VPS13C: variants seen among roughly 807,000 people sequenced by gnomAD.
The protein encoded by VPS13C is vacuolar protein sorting 13 homolog C.
In VPS13C, 358 loss-of-function variants were observed where a neutral mutation model predicts 456.8. The ratio of observed to expected loss-of-function variants is 0.78; its 90% CI spans 0.72 to 0.86. VPS13C has a LOEUF of 0.86. Ranked by LOEUF, VPS13C falls within the 40% of genes least tolerant of loss-of-function variation. The pLI, the probability that VPS13C is intolerant of heterozygous loss-of-function variation, is 0.00. For missense variants in VPS13C, 4,818 were observed against 4,385.4 expected (o/e 1.10, Z -2.79); for synonymous variants, 1,578 against 1,486.7 (o/e 1.06, Z -1.41).
rs1442039204 is a variant in VPS13C, at chr15:61,978,626, C to G, written c.2290G>C (p.Glu764Gln). Reference sequence around the variant, plus strand: ...TCCTAAAAGCTGAATAACGGTTTACCTGCTCTTGCAAAAAGTAGTTGTACA... The same window carrying G: ...TCCTAAAAGCTGAATAACGGTTTACGTGCTCTTGCAAAAAGTAGTTGTACA... The part of the protein sequence containing the change: ...KNVQLLFARA[E>Q]ETWKKCRFQH... Residue 764 changes from glutamate (E) to glutamine (Q), a missense_variant and splice_region_variant, in exon 23 of 85, where the codon GAG (glutamate) becomes CAG (glutamine). Physicochemically the swap from Glu to Gln is conservative, Grantham distance 29. Transcript: ENST00000644861. 1 of 1,610,312 alleles carries G rather than the reference C, an allele frequency of 6.2e-7. No individual in the cohort carries two copies. The highest frequency in any genetic ancestry group is 1.7e-5 in the Admixed American group (1 of 59,534).
chr15:61,962,831 A>G lies in VPS13C; in HGVS notation c.3353T>C (p.Leu1118Pro). The G allele has an allele frequency of 6.2e-7, 1 of 1,604,248 alleles. No individual in the cohort carries two copies. The highest frequency in any genetic ancestry group is 8.5e-7 in the Non-Finnish European group (1 of 1,173,736). The change falls in exon 33 of 85, where the codon CTC becomes CCC. Residue 1118 changes from leucine to proline, a missense_variant. By Grantham distance (98) the Leu-to-Pro change is moderately conservative. Transcript: ENST00000644861. The part of the protein sequence containing the change: ...KIQGLDSSLS[L>P]QSRKQSLFAR... ...AAAAAGTGACTGCTTTCTTGACTGG[A>G]GAGAAAGGGAGGAATCCAGTCCTGA...
Position 61,922,408 on chromosome 15 carries a change from C to T in VPS13C, c.6964G>A (p.Val2322Met), listed in dbSNP as rs12907567. ...TGATGTGGCCATACCTGTAGTGTCA[C>T]GTCAGCAACAGCAGCCATTAGAGAA... The part of the protein sequence containing the change: ...WTSLMAAVAD[V>M]TLQVHYYNEI... The change falls in exon 54 of 85, where the codon GTG (valine) becomes ATG (methionine). Residue 2322 changes from valine (V) to methionine (M), a missense_variant. Val to Met is a conservative substitution (Grantham distance 21). This residue lies in a region of VPS13C where 4,552 missense variants were observed against 4,130.6 expected (regional missense o/e 1.10). Coordinates refer to ENST00000644861, the MANE Select transcript of VPS13C (RefSeq NM_020821.3). 114,822 of 1,612,432 alleles carry T rather than the reference C, an allele frequency of 0.071. 4,412 individuals carry two copies. Among genetic ancestry groups the T allele is most frequent in the Middle Eastern group, 0.082 (494 of 6,058 alleles).
At position 61,853,091 on chromosome 15, in the gene VPS13C, T is replaced by TG. The variant is rs1391619530; in HGVS notation, c.*1365dup. ...TTTTAAAGTTTTAATAGTTTATCTC[T>TG]GATCAAGGATGGAGAAAGGACAAAA... On this transcript the variant is annotated 3_prime_UTR_variant, in exon 85 of 85. Coordinates refer to ENST00000644861, the MANE Select transcript of VPS13C (RefSeq NM_020821.3). 9 of 152,176 alleles carry TG rather than the reference T, an allele frequency of 5.9e-5. No individual in the cohort carries two copies. Among genetic ancestry groups the TG allele is most frequent in the African/African-American group, 2.2e-4 (9 of 41,448 alleles). 9.4% of individuals were successfully genotyped at this position (152,176 alleles called of 1,614,324 possible).
chr15:61,997,516 G>C (rs2046429214), intron 16 of VPS13C, among the ~76,000 whole-genome samples: 3 of 152,250 alleles, frequency 2.0e-5, no homozygotes, highest in Non-Finnish European at 2.9e-5. Context: ...AGGTCTAAGA[G>C]ATAGCTAAAA....
intron 9 of VPS13C, among the ~76,000 whole-genome samples, chr15:62,019,199 C>G (rs1242808028): frequency 6.6e-6 from 1 of 152,070 alleles, no homozygotes; most frequent in Non-Finnish European, 1.5e-5. Flanking sequence ...ACTAGTCTTA[C>G]TAGCAGTCTA....
chr15:61,948,353 T>G (rs1455285671), intron 42 of VPS13C, among the ~76,000 whole-genome samples: 1 of 152,084 alleles, frequency 6.6e-6, no homozygotes, highest in South Asian at 2.1e-4. Flanking sequence ...TACTCTAGTT[T>G]ATAAGGAAAT....
At chr15:61,910,634 T>C (rs1001079928) in intron 63 of VPS13C, among the ~76,000 whole-genome samples, 1 of 152,176 alleles carries the variant, frequency 6.6e-6, no homozygotes, top group Non-Finnish European at 1.5e-5. Flanking sequence ...TCATTTGCTT[T>C]TGTGTATACC....
chr15:62,020,697 G>A (rs1011059572), intron 8 of VPS13C, among the ~76,000 whole-genome samples, 159 bp from the exon 9 acceptor site: 2 of 151,864 alleles, frequency 1.3e-5, no homozygotes, highest in African/African-American at 4.8e-5. Flanking sequence ...AACATGGCTG[G>A]GATTATCCAT....
At position 61,962,787 on chromosome 15, in the gene VPS13C, T is replaced by A. The variant is rs2045254279; in HGVS notation, c.3397A>T (p.Ile1133Phe). 6.2e-7 allele frequency: 1 copy of A among 1,607,736 alleles called. No individual in the cohort carries two copies. Among genetic ancestry groups the A allele is most frequent in the African/African-American group, 1.3e-5 (1 of 74,802 alleles). Residue 1133 changes from isoleucine to phenylalanine, a missense_variant, in exon 33 of 85, where the codon ATT (isoleucine) becomes TTT (phenylalanine). This residue lies in a region of VPS13C where 4,552 missense variants were observed against 4,130.6 expected (regional missense o/e 1.10). Coordinates refer to ENST00000644861, the MANE Select transcript of VPS13C (RefSeq NM_020821.3). ...GTCTTTGGATCAACATCTGTGACAA[T>A]AATATTTTCTAGTCGGGCAAAAAGT... is the stretch of plus-strand genomic sequence containing the variant. ...QSLFARLENI[I>F]VTDVDPKTVH...
At chr15:62,016,289 T>C (rs1018018233) in intron 9 of VPS13C, among the ~76,000 whole-genome samples, 3 of 151,576 alleles carry the variant, frequency 2.0e-5, no homozygotes, top group Non-Finnish European at 4.4e-5. Context: ...ATTTTTATTA[T>C]ACTTTAAGTT....
At chr15:61,882,462 G>C in intron 69 of VPS13C, 134 bp downstream of exon 69, 2 of 922,934 alleles carry the variant, frequency 2.2e-6, no homozygotes, top group Non-Finnish European at 2.9e-6. Flanking sequence ...AGGATATGTG[G>C]AAAAAGGGGA....
intron 1 of VPS13C, among the ~76,000 whole-genome samples, chr15:62,059,290 T>C (rs1442825224): frequency 1.3e-5 from 2 of 152,308 alleles, no homozygotes; most frequent in East Asian, 3.9e-4. Context: ...GTGGTTACCC[T>C]AGTGGACAGG....
intron 16 of VPS13C, among the ~76,000 whole-genome samples, chr15:61,993,399 A>C (rs1472980813): frequency 6.6e-6 from 1 of 152,038 alleles, no homozygotes; most frequent in Non-Finnish European, 1.5e-5. Flanking sequence ...ATTTTGGAAA[A>C]AAAAATTAAC....
At chr15:61,986,247 T>G (rs1384000436) in intron 18 of VPS13C, among the ~76,000 whole-genome samples, 1 of 151,304 alleles carries the variant, frequency 6.6e-6, no homozygotes, top group East Asian at 1.9e-4. Flanking sequence ...AATTTTAGAC[T>G]TACTCAGACT....
Position 61,951,954 on chromosome 15 carries a change from T to C in VPS13C, c.4326A>G (p.Ser1442=), listed in dbSNP as rs752674455. 6.2e-7 allele frequency: 1 copy of C among 1,613,174 alleles called. No individual in the cohort carries two copies. The highest frequency in any genetic ancestry group is 8.5e-7 in the Non-Finnish European group (1 of 1,179,692). The change falls in exon 39 of 85, where the codon TCA becomes TCG. Residue 1442 remains serine (S), a synonymous_variant. Transcript: ENST00000644861. ...KEVVVTLMKK[S]EKKGRPLHEL... is the part of the protein sequence containing the mutation. ...CATGTAAAGGCCTTCCTTTCTTTTC[T>C]GATTTTTTCATCAAAGTAACCACAA...
At chr15:62,037,606 T>C (rs955827597) in intron 3 of VPS13C, among the ~76,000 whole-genome samples, 4 of 142,450 alleles carry the variant, frequency 2.8e-5, no homozygotes, top group African/African-American at 1.0e-4. Flanking sequence ...CAATTTTAGA[T>C]GTCTATAACT....
chr15:61,962,361 A>G lies in VPS13C; in HGVS notation c.3603+10T>C. On this transcript the variant is annotated intron_variant, in intron 34 of 84. Transcript: ENST00000644861. ...AAGTTGAAAAATCAATATACAAATA[A>G]TTATTTTACCAGAAGTGACATAAGG... The G allele has an allele frequency of 1.3e-6, 2 of 1,568,664 alleles. No individual in the cohort carries two copies. Among genetic ancestry groups the G allele is most frequent in the African/African-American group, 2.7e-5 (2 of 73,426 alleles).
At chr15:62,003,151 G>A (rs2046697043) in intron 15 of VPS13C, among the ~76,000 whole-genome samples, 1 of 152,072 alleles carries the variant, frequency 6.6e-6, no homozygotes, top group African/African-American at 2.4e-5. Flanking sequence ...CTATCCATGA[G>A]CATGGAATGT....
chr15:62,000,635 A>T lies in VPS13C; in HGVS notation c.1291-9T>A, dbSNP rs374397652. ...AGAGTCTTCTCCAAGTCCTGTAAAA[A>T]ACAGAGGCACTTATAAACAAGAAAT... On this transcript the variant is annotated splice_polypyrimidine_tract_variant and intron_variant, in intron 15 of 84. Transcript: ENST00000644861. 3.2e-4 allele frequency: 508 copies of T among 1,592,676 alleles called. 1 individual carries two copies. Among genetic ancestry groups the T allele is most frequent in the Admixed American group, 7.1e-4 (39 of 54,628 alleles).
Sources: gnomAD v4.1 joint callset for allele counts (sites outside exome capture counted in the v4.1 genomes callset) on GRCh38, gnomAD v4.1.1 for gene constraint, gnomAD v4.1.1 regional missense constraint, MANE v1.5 for transcripts, NCBI Gene and HGNC (gene_info 2026-07-23, HGNC 2026-07-21) for gene names.